Variants in PKD1 observed in about 807,000 individuals in gnomAD.
The protein encoded by PKD1 is polycystin-1.
A neutral mutation model predicts 361.7 loss-of-function variants in PKD1; 81 were observed. That is an observed-to-expected ratio of 0.22 (90% confidence interval 0.19 to 0.27). The LOEUF (loss-of-function observed/expected upper bound fraction) is 0.27, where lower values mean the gene tolerates loss of function less well. Ranked by LOEUF, PKD1 falls within the 10% of genes least tolerant of loss-of-function variation. The pLI, the probability that PKD1 is intolerant of heterozygous loss-of-function variation, is 1.00. For missense variants in PKD1, 6,399 were observed against 6,118.3 expected (o/e 1.05, Z -1.53); for synonymous variants, 3,615 against 2,818.3 (o/e 1.28, Z -8.95).
intron 34 of PKD1, 24 bp downstream of exon 34, chr16:2,097,124 C>T: frequency 6.5e-7 from 1 of 1,534,934 alleles, no homozygotes. Context: ...GCAATCCCCC[C>T]TCCCCCGAGA....
Position 2,089,795 on chromosome 16 carries a change from C to A in PKD1, c.12844G>T (p.Asp4282Tyr). The change falls in exon 46 of 46, where the codon GAC (aspartate) becomes TAC (tyrosine). Residue 4282 changes from aspartate (D) to tyrosine (Y), a missense_variant. Asp to Tyr is a radical substitution (Grantham distance 160). Coordinates refer to ENST00000262304, the MANE Select transcript of PKD1 (RefSeq NM_001009944.3). Reference sequence around the variant, plus strand: ...GTCCTGCTGGGGCCAGTGGCCAGGTCCACACCCCGACTGGCCCGGGCAAGG... The same window carrying A: ...GTCCTGCTGGGGCCAGTGGCCAGGTACACACCCCGACTGGCCCGGGCAAGG... ...SRLARASRGV[D>Y]LATGPSRTPL... is the part of the protein sequence containing the mutation. 6.3e-7 allele frequency: 1 copy of A among 1,597,600 alleles called. No homozygotes were observed. The highest frequency in any genetic ancestry group is 8.5e-7 in the Non-Finnish European group (1 of 1,173,118).
In PKD1 at chr16:2,091,128, C is replaced by T; in HGVS notation, c.11759G>A (p.Arg3920His). 2 of 1,482,986 alleles carry T rather than the reference C, an allele frequency of 1.3e-6. No individual in the cohort carries two copies. Among genetic ancestry groups the T allele is most frequent in the East Asian group, 2.8e-5 (1 of 35,114 alleles). The allele number at this position is 1,482,986 out of a possible 1,614,324, so 91.9% of individuals were successfully genotyped here. ...FAVHFAVAEARTWHREGRWRV... is the reference protein window; with the variant it reads ...FAVHFAVAEAHTWHREGRWRV... ...CCAGCGCCCTTCCCTGTGCCAAGTA[C>T]GGGCCTCGGCCACGGCGAAGTGCAC... is the stretch of plus-strand genomic sequence containing the variant. The change falls in exon 43 of 46, where the codon CGT becomes CAT. Residue 3920 changes from arginine to histidine, a missense_variant. Transcript: ENST00000262304.
chr16:2,109,094 C>T lies in PKD1; in HGVS notation c.6073G>A (p.Asp2025Asn), dbSNP rs977944347. The stretch of plus-strand genomic sequence containing the variant: ...GCGGCCACGGGCGTGTAGGTGACGT[C>T]GCGGCCCGACAGGATGACCAGCGAG... ...GDSLVILSGR[D>N]VTYTPVAAGL... The change falls in exon 15 of 46, where the codon GAC (aspartate) becomes AAC (asparagine). Residue 2025 changes from aspartate (D) to asparagine (N), a missense_variant. Coordinates refer to ENST00000262304, the MANE Select transcript of PKD1 (RefSeq NM_001009944.3). 33 of 1,603,224 alleles carry T rather than the reference C, an allele frequency of 2.1e-5. No homozygotes were observed. Among genetic ancestry groups the T allele is most frequent in the Admixed American group, 8.4e-5 (5 of 59,838 alleles).
At chr16:2,092,899 G>C (rs1048529082) in intron 38 of PKD1, 55 bp downstream of exon 38, 9 of 1,605,834 alleles carry the variant, frequency 5.6e-6, no homozygotes, top group Non-Finnish European at 7.7e-6. Context: ...GGTCTGGCTG[G>C]ACTAAAGGCA....
At chr16:2,107,028 C>T in intron 16 of PKD1, 80 bp from the exon 17 acceptor site, 1 of 1,358,990 alleles carries the variant, frequency 7.4e-7, no homozygotes, top group Non-Finnish European at 1.0e-6. Flanking sequence ...GAGGATGCTG[C>T]TCCCAAACTC....
At position 2,088,786 on chromosome 16, in the gene PKD1, C is replaced by T. The variant is rs554253529; in HGVS notation, c.*941G>A. ...GGGGTGTCGAGGCTCTAGAAGCGGC[C>T]ATGCCCACAGAAGTGGTACACAGAA... On this transcript the variant is annotated 3_prime_UTR_variant, in exon 46 of 46. Coordinates refer to ENST00000262304, the MANE Select transcript of PKD1 (RefSeq NM_001009944.3). 3.2e-4 allele frequency: 280 copies of T among 867,532 alleles called. No individual in the cohort carries two copies. The highest frequency in any genetic ancestry group is 4.6e-4 in the Non-Finnish European group (264 of 577,266). The allele number at this position is 867,532 out of a possible 1,614,324, so 53.7% of individuals were successfully genotyped here. A position where few individuals can be genotyped will look rare whatever the true frequency, so the allele number is the denominator to read the frequency against.
chr16:2,093,724 G>C lies in PKD1; in HGVS notation c.10836C>G (p.Ala3612=), dbSNP rs377106968. 9 of 1,588,368 alleles carry C rather than the reference G, an allele frequency of 5.7e-6. No homozygotes were observed. In the African/African-American group the frequency reaches 1.2e-4, roughly 21 times the overall value. The change falls in exon 37 of 46, where the codon GCC becomes GCG. Residue 3612 remains alanine (A), a synonymous_variant. Coordinates refer to ENST00000262304, the MANE Select transcript of PKD1 (RefSeq NM_001009944.3). ...GCTTGGCCACCAGTGAGAAGTACAG[G>C]GCTTCCAGCAAGACCTGGGGAGGGG... ...GWEPLKVLLE[A]LYFSLVAKRL... is the part of the protein sequence containing the mutation.
Position 2,118,065 on chromosome 16 carries a change from G to A in PKD1, c.927C>T (p.Asp309=), listed in dbSNP as rs761454193. ...CAGCGGCATCCACCTCGGCGGAGCC[G>A]TCTCCGAAGTCCCAGCGTGTGGCAG... is the stretch of plus-strand genomic sequence containing the variant. ...PVTATRWDFG[D]GSAEVDAAGP... Residue 309 remains aspartate (D), a synonymous_variant, in exon 5 of 46, where the codon GAC becomes GAT. Coordinates refer to ENST00000262304, the MANE Select transcript of PKD1 (RefSeq NM_001009944.3). This position sits in a 1 kb window ranked among gnomAD's most constrained non-coding sequence, Gnocchi z 6.0. The A allele has an allele frequency of 1.2e-5, 20 of 1,605,694 alleles. No homozygotes were observed. The Admixed American group carries it at 1.7e-4, about 13-fold the overall frequency.
intron 10 of PKD1, 170 bp downstream of exon 10, chr16:2,115,208 C>T (rs2151815562): frequency 1.7e-6 from 1 of 576,962 alleles, no homozygotes; most frequent in South Asian, 7.6e-5. Context: ...AGAGCTTCTC[C>T]CACTGGGAGA....
intron 13 of PKD1, 24 bp downstream of exon 13, chr16:2,112,764 C>G (rs1234357497): frequency 1.3e-6 from 2 of 1,593,332 alleles, no homozygotes; most frequent in South Asian, 2.2e-5. Flanking sequence ...GTGCCCACCC[C>G]AAACCGGCCC....
Position 2,090,204 on chromosome 16 carries a change from G to A in PKD1, c.12445-10C>T, listed in dbSNP as rs941323879. ...GGACTTTGTGGCGGAACTGGGGGCGGCACAGGGGCTCAGTCAGTCCGGCTG... is the reference window on the plus strand; with the variant it reads ...GGACTTTGTGGCGGAACTGGGGGCGACACAGGGGCTCAGTCAGTCCGGCTG... On this transcript the variant is annotated splice_polypyrimidine_tract_variant and intron_variant, in intron 45 of 45. Transcript: ENST00000262304. 11 of 1,606,560 alleles carry A rather than the reference G, an allele frequency of 6.8e-6. No individual in the cohort carries two copies. Among genetic ancestry groups the A allele is most frequent in the Admixed American group, 5.0e-5 (3 of 59,548 alleles).
At chr16:2,091,647 C>T (rs1187314407) in intron 41 of PKD1, 50 bp from the exon 42 acceptor site, 2 of 1,554,808 alleles carry the variant, frequency 1.3e-6, no homozygotes, top group Admixed American at 1.9e-5. Flanking sequence ...GCGGGAGCTG[C>T]GGGGACCGCG....
At chr16:2,112,182 G>A (rs1177160859) in intron 14 of PKD1, among the ~76,000 whole-genome samples, 158 bp downstream of exon 14, 1 of 152,202 alleles carries the variant, frequency 6.6e-6, no homozygotes, top group Non-Finnish European at 1.5e-5. Flanking sequence ...CCCACGCCTG[G>A]CCCCTCCCTC....
Position 2,093,690 on chromosome 16 carries a change from G to T in PKD1, c.10870C>A (p.Pro3624Thr). The T allele has an allele frequency of 6.2e-7, 1 of 1,602,738 alleles. No homozygotes were observed. Residue 3624 changes from proline (P) to threonine (T), a missense_variant, in exon 37 of 46, where the codon CCG becomes ACG. Coordinates refer to ENST00000262304, the MANE Select transcript of PKD1 (RefSeq NM_001009944.3). ...TCTACCAGGGTGTCATCTTCATCCG[G>T]GTGCAGCCGCTTGGCCACCAGTGAG... ...YFSLVAKRLHPDEDDTLVESP... is the reference protein window; with the variant it reads ...YFSLVAKRLHTDEDDTLVESP...
intron 1 of PKD1, among the ~76,000 whole-genome samples, chr16:2,125,783 A>G (rs1404340982): frequency 6.6e-6 from 1 of 151,876 alleles, no homozygotes; most frequent in East Asian, 1.9e-4. Flanking sequence ...CCCTGCACGC[A>G]GCTGACATGG....
intron 1 of PKD1, 139 bp downstream of exon 1, chr16:2,135,336 G>A (rs575058381): frequency 1.9e-6 from 2 of 1,074,100 alleles, no homozygotes; most frequent in African/African-American, 1.7e-5. Context: ...TCCTTATTTA[G>A]CAGGGCCGCC....
chr16:2,098,370 A>G (rs1348743627), intron 30 of PKD1, among the ~76,000 whole-genome samples: 5 of 151,772 alleles, frequency 3.3e-5, no homozygotes, highest in East Asian at 1.9e-4. Flanking sequence ...CACCATGCCC[A>G]GCTAATTTTT....
chr16:2,121,961 C>A (rs2092727899), intron 1 of PKD1, among the ~76,000 whole-genome samples: 1 of 152,260 alleles, frequency 6.6e-6, no homozygotes, highest in African/African-American at 2.4e-5. Context: ...CCGCCCAGCC[C>A]CTGCCAGCCT....
At chr16:2,121,216 T>C (rs1452690511) in intron 1 of PKD1, among the ~76,000 whole-genome samples, 1 of 150,694 alleles carries the variant, frequency 6.6e-6, no homozygotes, top group Non-Finnish European at 1.5e-5. Flanking sequence ...AACTACAGAA[T>C]TAGTCGGGCG....
Sources: allele counts gnomAD v4.1 joint callset (sites outside exome capture counted in the v4.1 genomes callset), GRCh38; gene constraint gnomAD v4.1.1; non-coding constraint Gnocchi (gnomAD v3.1); transcripts MANE v1.5; gene names NCBI Gene and HGNC (gene_info 2026-07-23, HGNC 2026-07-21).